Variants in CALN1 observed in about 807,000 individuals in gnomAD.
CALN1 encodes calneuron 1.
Under a neutral mutation model 30.6 loss-of-function variants are expected in CALN1, and 17 were observed. The observed-to-expected ratio is 0.56, with a 90% CI of 0.38 to 0.83. The LOEUF is 0.83. Among genes scored for constraint, CALN1 ranks in the 40% least tolerant of loss-of-function variants. The probability of loss-of-function intolerance (pLI) is 0.00; values close to 1 mark genes in which losing one functional copy is unlikely to be tolerated. For synonymous variants in CALN1, 156 were observed against 131.4 expected, an observed-to-expected ratio of 1.19 and a Z score of -1.28; for missense variants, 291 against 354.9, an observed-to-expected ratio of 0.82 and a Z score of 1.45.
intron 3 of CALN1, among the ~76,000 whole-genome samples, chr7:72,164,814 C>T (rs1021940232): frequency 2.0e-5 from 3 of 152,132 alleles, no homozygotes; most frequent in Non-Finnish European, 2.9e-5. Context: ...CAGGTGCGTA[C>T]CACCATGCCT....
chr7:72,023,777 G>C lies in CALN1; in HGVS notation c.389-8C>G. On this transcript the variant is annotated splice_region_variant and splice_polypyrimidine_tract_variant and intron_variant, in intron 4 of 6. Transcript: ENST00000395275. ...AATCCACCTGGCCATCCCCTGCAAG[G>C]AGAAGATGTAAATATGAGTTGCAAA... 1 of 1,609,798 alleles carries C rather than the reference G, an allele frequency of 6.2e-7. No homozygotes were observed. The highest frequency in any genetic ancestry group is 8.5e-7 in the Non-Finnish European group (1 of 1,176,508).
chr7:71,827,582 C>A (rs1788990539), intron 5 of CALN1, among the ~76,000 whole-genome samples: 2 of 151,810 alleles, frequency 1.3e-5, no homozygotes, highest in Admixed American at 1.3e-4. Context: ...ACAAGCCTGG[C>A]CAACACAGTG....
chr7:72,193,977 G>A (rs764393898), intron 3 of CALN1, among the ~76,000 whole-genome samples: 2 of 152,132 alleles, frequency 1.3e-5, no homozygotes, highest in Non-Finnish European at 1.5e-5. Flanking sequence ...GAGGGGGTGA[G>A]AGATAAGACT....
At chr7:72,285,878 T>A (rs1420524538) in intron 2 of CALN1, among the ~76,000 whole-genome samples, 1 of 152,260 alleles carries the variant, frequency 6.6e-6, no homozygotes, top group East Asian at 1.9e-4. Context: ...GCAATCCGTG[T>A]CCTCCAATTA....
At chr7:72,169,316 T>C (rs996994841) in intron 3 of CALN1, among the ~76,000 whole-genome samples, 3 of 152,014 alleles carry the variant, frequency 2.0e-5, no homozygotes, top group Non-Finnish European at 1.5e-5. Flanking sequence ...TTGTTAGTTT[T>C]TATGGTTTTG....
chr7:72,351,116 A>G (rs1465960858), intron 2 of CALN1, among the ~76,000 whole-genome samples: 2 of 152,300 alleles, frequency 1.3e-5, no homozygotes, highest in African/African-American at 4.8e-5. Context: ...ACTGGGTGAC[A>G]AAGTGAGACT....
chr7:72,100,422 T>C (rs1806568083), intron 4 of CALN1, among the ~76,000 whole-genome samples: 1 of 152,084 alleles, frequency 6.6e-6, no homozygotes, highest in African/African-American at 2.4e-5. Context: ...CCTTAAGCAG[T>C]CATCCTACCT....
chr7:72,332,625 G>A (rs780028365), intron 2 of CALN1, among the ~76,000 whole-genome samples: 33 of 152,126 alleles, frequency 2.2e-4, no homozygotes, highest in Admixed American at 3.3e-4. Context: ...TCCTGCCACT[G>A]AGATCCCCTG....
chr7:71,860,070 G>T (rs564182064), intron 5 of CALN1, among the ~76,000 whole-genome samples: 3 of 152,112 alleles, frequency 2.0e-5, no homozygotes, highest in Non-Finnish European at 4.4e-5. Context: ...ACAAACCCTT[G>T]TAGTAGAGCA....
intron 2 of CALN1, among the ~76,000 whole-genome samples, chr7:72,400,556 C>CATT (rs1221483411): frequency 1.3e-5 from 2 of 152,160 alleles, no homozygotes; most frequent in African/African-American, 4.8e-5. Flanking sequence ...GCAGAGGCTA[C>CATT]ATTACATGAG....
intron 3 of CALN1, among the ~76,000 whole-genome samples, chr7:72,265,439 T>C (rs1172258855): frequency 6.6e-6 from 1 of 152,142 alleles, no homozygotes; most frequent in Non-Finnish European, 1.5e-5. Flanking sequence ...GAAACAATAG[T>C]GTCAGTGAAG....
chr7:72,149,936 A>T (rs1787093171), intron 3 of CALN1, among the ~76,000 whole-genome samples: 1 of 151,868 alleles, frequency 6.6e-6, no homozygotes, highest in South Asian at 2.1e-4. Context: ...CAACATGGTG[A>T]AATTCTTGTC....
At chr7:71,950,167 C>G (rs111448877) in intron 5 of CALN1, among the ~76,000 whole-genome samples, 2,607 of 152,300 alleles carry the variant, frequency 0.017, 35 homozygotes, top group Middle Eastern at 0.048. Context: ...CCTGGACACC[C>G]TCCCCTGGTA....
intron 5 of CALN1, among the ~76,000 whole-genome samples, chr7:71,992,991 C>T (rs796884574): frequency 5.3e-5 from 8 of 152,046 alleles, no homozygotes; most frequent in East Asian, 1.9e-4. Flanking sequence ...GAGTTCCCTT[C>T]GCTCATAAGA....
chr7:72,012,512 A>G (rs1267607365), intron 5 of CALN1, among the ~76,000 whole-genome samples: 1 of 152,248 alleles, frequency 6.6e-6, no homozygotes, highest in Non-Finnish European at 1.5e-5. Flanking sequence ...CTCCGTCTCA[A>G]AAAACAAAAC....
At chr7:71,824,455 T>C (rs1020190927) in intron 5 of CALN1, among the ~76,000 whole-genome samples, 6 of 152,090 alleles carry the variant, frequency 3.9e-5, no homozygotes, top group Non-Finnish European at 7.4e-5. Flanking sequence ...GAGTCCCCAG[T>C]GAAGTCTGAA....
chr7:71,900,269 A>G (rs2116936159), intron 5 of CALN1, among the ~76,000 whole-genome samples: 1 of 152,296 alleles, frequency 6.6e-6, no homozygotes, highest in South Asian at 2.1e-4. Context: ...AAAGATGTCC[A>G]TTTTCACCAC....
chr7:71,814,813 T>C (rs746899457), intron 5 of CALN1, among the ~76,000 whole-genome samples: 31 of 151,698 alleles, frequency 2.0e-4, no homozygotes, highest in Non-Finnish European at 3.8e-4. Flanking sequence ...ACATATAACA[T>C]ACAACATATG....
At chr7:72,156,799 T>C (rs559374668) in intron 3 of CALN1, among the ~76,000 whole-genome samples, 1 of 152,308 alleles carries the variant, frequency 6.6e-6, no homozygotes, top group East Asian at 1.9e-4. Flanking sequence ...AAGCCACCAG[T>C]TCCTTCTAAA....
Sources: gnomAD v4.1 joint callset for allele counts (sites outside exome capture counted in the v4.1 genomes callset) on GRCh38, gnomAD v4.1.1 for gene constraint, MANE v1.5 for transcripts, NCBI Gene and HGNC (gene_info 2026-07-23, HGNC 2026-07-21) for gene names.